MAP4: variants seen among roughly 807,000 people sequenced by gnomAD.
MAP4 encodes the protein microtubule associated protein 4.
In MAP4, 76 loss-of-function variants were observed where a neutral mutation model predicts 170.2. The observed-to-expected ratio is 0.45, with a 90% CI of 0.37 to 0.54. MAP4 has a LOEUF of 0.54. Ranked by LOEUF, MAP4 falls within the 20% of genes least tolerant of loss-of-function variation. The pLI, the probability that MAP4 is intolerant of heterozygous loss-of-function variation, is 0.00. For missense variants in MAP4, 2,506 were observed against 2,748.0 expected, an observed-to-expected ratio of 0.91 and a Z score of 1.97; for synonymous variants, 909 against 994.5, an observed-to-expected ratio of 0.91 and a Z score of 1.62.
At chr3:48,056,991 G>A (rs1289504003) in intron 1 of MAP4, among the ~76,000 whole-genome samples, 3 of 126,242 alleles carry the variant, frequency 2.4e-5, no homozygotes, top group East Asian at 2.6e-4. Context: ...GGTGGGGGGG[G>A]TCAGCCCCCC....
chr3:47,914,924 G>C lies in MAP4; in HGVS notation c.1892C>G (p.Thr631Arg). Residue 631 changes from threonine to arginine, a missense_variant, in exon 8 of 21, where the codon ACG becomes AGG. Around this residue, in one of 3 missense-constraint regions of MAP4, gnomAD observed 2,008 missense variants for 2,206.0 expected, o/e 0.91. Transcript: ENST00000683076. ...FMISPETVTGTGKKCSLPAEE... is the reference protein window; with the variant it reads ...FMISPETVTGRGKKCSLPAEE... ...GGCCGGCAAGCTGCACTTTTTCCCCGTTCCTGTGACGGTTTCTAAAGGTAA... is the reference window on the plus strand; with the variant it reads ...GGCCGGCAAGCTGCACTTTTTCCCCCTTCCTGTGACGGTTTCTAAAGGTAA... 3.1e-6 allele frequency: 5 copies of C among 1,613,896 alleles called. No individual in the cohort carries two copies. The highest frequency in any genetic ancestry group is 4.2e-6 in the Non-Finnish European group (5 of 1,179,982).
rs142088257 is a variant in MAP4 at position 47,920,248 on chromosome 3, G to A, written c.530-1407C>T. 6.9e-3 allele frequency among the ~76,000 whole-genome samples: 1,051 copies of A among 152,066 alleles called. 3 individuals are homozygous for A. The highest frequency in any genetic ancestry group is 9.9e-3 in the Non-Finnish European group (676 of 68,024). On this transcript the variant is annotated intron_variant, in intron 5 of 20. Transcript: ENST00000683076. ...CGTCTCCCAAAGTGCTGGGATTACAGGCATGAGCCACCACACTCGGCCTAA... is the reference window on the plus strand; with the variant it reads ...CGTCTCCCAAAGTGCTGGGATTACAAGCATGAGCCACCACACTCGGCCTAA...
At chr3:47,949,398 G>A (rs1178172372) in intron 3 of MAP4, among the ~76,000 whole-genome samples, 10 of 150,838 alleles carry the variant, frequency 6.6e-5, no homozygotes, top group African/African-American at 2.2e-4. Flanking sequence ...CCCAGGAGGC[G>A]GGGGTTGCAG....
chr3:47,929,895 G>A (rs1295430576), intron 3 of MAP4, among the ~76,000 whole-genome samples: 1 of 152,000 alleles, frequency 6.6e-6, no homozygotes, highest in East Asian at 1.9e-4. Flanking sequence ...TTGGGAGGCC[G>A]AGGCAGGCGG....
At chr3:47,980,211 T>C (rs1402016792) in intron 2 of MAP4, among the ~76,000 whole-genome samples, 3 of 152,142 alleles carry the variant, frequency 2.0e-5, no homozygotes, top group Non-Finnish European at 4.4e-5. Context: ...TGGGATCTTA[T>C]ATGCAATTGC....
In MAP4 at chr3:47,918,833, G is replaced by C. The variant is rs771398634; in HGVS notation, c.538C>G (p.Pro180Ala). 1.2e-6 allele frequency: 2 copies of C among 1,612,368 alleles called. No individual in the cohort carries two copies. Among genetic ancestry groups the C allele is most frequent in the Admixed American group, 3.3e-5 (2 of 59,902 alleles). The change falls in exon 6 of 21, where the codon CCC becomes GCC. Residue 180 changes from proline to alanine, a missense_variant. Pro to Ala is a conservative substitution (Grantham distance 27, BLOSUM62 -1). Coordinates refer to ENST00000683076, the MANE Select transcript of MAP4 (RefSeq NM_001385682.1). ...DPLKDSYGMS[P>A]CNTAVVPQGW... The stretch of plus-strand genomic sequence containing the variant: ...TGAGGTACAACAGCTGTGTTGCAGG[G>C]AGACATACCTAATATTGAAACACAA...
intron 10 of MAP4, among the ~76,000 whole-genome samples, chr3:47,893,165 G>T (rs566423192): frequency 6.6e-6 from 1 of 152,126 alleles, no homozygotes; most frequent in Non-Finnish European, 1.5e-5. Flanking sequence ...CCCAAAACCC[G>T]TAAGAGCTCC....
At chr3:47,938,269 G>C (rs1425220608) in intron 3 of MAP4, among the ~76,000 whole-genome samples, 5 of 152,112 alleles carry the variant, frequency 3.3e-5, no homozygotes, top group Non-Finnish European at 7.3e-5. Flanking sequence ...TCGGGAGGCT[G>C]AGACAGGAGA....
intron 3 of MAP4, among the ~76,000 whole-genome samples, chr3:47,934,105 C>T (rs1416789795): frequency 6.6e-6 from 1 of 152,100 alleles, no homozygotes; most frequent in African/African-American, 2.4e-5. Flanking sequence ...CAAGGCTGAC[C>T]GAAGCAACAG....
At chr3:47,941,898 G>A (rs2154018293) in intron 3 of MAP4, among the ~76,000 whole-genome samples, 1 of 152,002 alleles carries the variant, frequency 6.6e-6, no homozygotes, top group South Asian at 2.1e-4. Flanking sequence ...TTTAAAATGA[G>A]ATAAGTATTT....
chr3:47,949,465 CAAAAAAAAAAA>C (rs60076214), intron 3 of MAP4, among the ~76,000 whole-genome samples: 5 of 70,890 alleles, frequency 7.1e-5, no homozygotes, highest in Non-Finnish European at 1.0e-4. Context: ...GACTGCGTCC[CAAAAAAAAAAA>C]AAAAAAAAAA....
intron 3 of MAP4, among the ~76,000 whole-genome samples, chr3:47,958,930 A>C (rs977492871): frequency 1.3e-5 from 2 of 151,616 alleles, no homozygotes; most frequent in South Asian, 4.2e-4. Flanking sequence ...GATCCACCCA[A>C]CTCGGCCTCC....
intron 1 of MAP4, among the ~76,000 whole-genome samples, chr3:48,033,497 AT>A (rs2100117211): frequency 6.6e-6 from 1 of 152,126 alleles, no homozygotes; most frequent in African/African-American, 2.4e-5. Context: ...GCTGTCCTTA[AT>A]TTTTTTAATT....
At chr3:47,996,737 GACACACACAC>G (rs57673370) in intron 2 of MAP4, among the ~76,000 whole-genome samples, 9 of 146,430 alleles carry the variant, frequency 6.1e-5, no homozygotes, top group Non-Finnish European at 1.1e-4. Context: ...CAAAAACTAA[GACACACACAC>G]ACACACACAC....
intron 1 of MAP4, among the ~76,000 whole-genome samples, chr3:48,003,953 C>T (rs2100100765): frequency 6.6e-6 from 1 of 152,170 alleles, no homozygotes; most frequent in Non-Finnish European, 1.5e-5. Flanking sequence ...CCTCGAACAT[C>T]GGACTCCACG....
chr3:48,074,138 A>T (rs1356853861), intron 1 of MAP4, among the ~76,000 whole-genome samples: 2 of 151,940 alleles, frequency 1.3e-5, no homozygotes, highest in African/African-American at 2.4e-5. Flanking sequence ...ATAAAAAAGG[A>T]TGAGTTCATG....
chr3:47,892,723 GCTT>G, intron 10 of MAP4: 1 of 1,347,612 alleles, frequency 7.4e-7, no homozygotes, highest in Non-Finnish European at 9.5e-7. Context: ...GGAACCTGCT[GCTT>G]TCTGCACAAC....
chr3:47,912,220 C>T lies in MAP4; in HGVS notation c.2201G>A (p.Gly734Asp). The T allele has an allele frequency of 1.3e-6, 2 of 1,536,132 alleles. No homozygotes were observed. The highest frequency in any genetic ancestry group is 1.7e-6 in the Non-Finnish European group (2 of 1,146,902). Residue 734 changes from glycine to aspartate, a missense_variant, in exon 9 of 21, where the codon GGT becomes GAT. Gly to Asp is a moderately conservative substitution (Grantham distance 94). Coordinates refer to ENST00000683076, the MANE Select transcript of MAP4 (RefSeq NM_001385682.1). Reference sequence around the variant, plus strand: ...ACTTTTTCTTTGGTTCCCAGGCCCACCACAGGAGGATGAACCAGAGACCCA... The same window carrying T: ...ACTTTTTCTTTGGTTCCCAGGCCCATCACAGGAGGATGAACCAGAGACCCA... ...SGWVSGSSSC[G>D]GPGNQRKSIH...
intron 3 of MAP4, among the ~76,000 whole-genome samples, chr3:47,949,465 CAAAAAAA>C (rs60076214): frequency 2.8e-5 from 2 of 70,936 alleles, no homozygotes; most frequent in Admixed American, 1.8e-4. Context: ...GACTGCGTCC[CAAAAAAA>C]AAAAAAAAAA....
Sources: gnomAD v4.1 joint callset for allele counts (sites outside exome capture counted in the v4.1 genomes callset) on GRCh38, gnomAD v4.1.1 for gene constraint, gnomAD v4.1.1 regional missense constraint, MANE v1.5 for transcripts, NCBI Gene and HGNC (gene_info 2026-07-23, HGNC 2026-07-21) for gene names.